UNC13C: variants seen among roughly 807,000 people sequenced by gnomAD.
The protein encoded by UNC13C is unc-13 homolog C, also known as protein unc-13 homolog C.
UNC13C carries 174 observed loss-of-function variants against 245.4 expected under a neutral mutation model. The observed-to-expected ratio is 0.71, with a 90% CI of 0.63 to 0.80. UNC13C has a LOEUF of 0.80. Among genes scored for constraint, UNC13C ranks in the 30% least tolerant of loss-of-function variants. UNC13C has a pLI of 0.00. For missense variants in UNC13C, 2,829 were observed against 2,602.9 expected (o/e 1.09, Z -1.89); for synonymous variants, 992 against 895.1 (o/e 1.11, Z -1.93).
Position 54,272,048 on chromosome 15 carries a change from T to C in UNC13C, c.3818+6552T>C, listed in dbSNP as rs79165362. 2.6e-3 allele frequency among the ~76,000 whole-genome samples: 398 copies of C among 152,318 alleles called. 1 individual carries two copies. The highest frequency in any genetic ancestry group is 9.2e-3 in the African/African-American group (383 of 41,572). On this transcript the variant is annotated intron_variant, in intron 10 of 32. Coordinates refer to ENST00000260323, the MANE Select transcript of UNC13C (RefSeq NM_001080534.3). ...ATTATAAACCTGAATACCAGTACTA[T>C]TCTGGGTCTAACATGTTTCTGGACC...
intron 2 of UNC13C, among the ~76,000 whole-genome samples, chr15:54,132,966 A>T (rs2031519591): frequency 6.6e-6 from 1 of 152,324 alleles, no homozygotes; most frequent in East Asian, 1.9e-4. Flanking sequence ...GAGGTAAAAC[A>T]TTGAGGGAGA....
At chr15:54,526,797 C>T (rs571585508) in intron 25 of UNC13C, among the ~76,000 whole-genome samples, 34 of 151,030 alleles carry the variant, frequency 2.3e-4, no homozygotes, top group African/African-American at 8.3e-4. Flanking sequence ...CTATCTCTGG[C>T]CACCACTCAT....
At chr15:53,844,814 G>C in the UNC13C span, among the ~76,000 whole-genome samples, 222 of 152,186 alleles carry the variant, frequency 1.5e-3, no homozygotes, top group Middle Eastern at 6.8e-3. Flanking sequence ...CATGTTAAGG[G>C]GACTAGTGAC....
At chr15:54,245,851 A>T (rs1225645624) in intron 7 of UNC13C, among the ~76,000 whole-genome samples, 1 of 152,106 alleles carries the variant, frequency 6.6e-6, no homozygotes. Flanking sequence ...TTGGGGGTAT[A>T]GGAAAGGTGT....
intron 4 of UNC13C, among the ~76,000 whole-genome samples, chr15:54,229,007 G>A (rs1378856833): frequency 1.3e-5 from 2 of 152,196 alleles, no homozygotes; most frequent in Non-Finnish European, 2.9e-5. Flanking sequence ...AGGCTTGTCA[G>A]AACTCAGGAT....
chr15:54,598,628 C>CATGCAGCCTGTGGCTTGAGGGT (rs1161544075), intron 30 of UNC13C, among the ~76,000 whole-genome samples: 1 of 152,160 alleles, frequency 6.6e-6, no homozygotes, highest in Non-Finnish European at 1.5e-5. Context: ...AGTTCAAGCA[C>CATGCAGCCTGTGGCTTGAGGGT]TGTAAAGTTT....
intron 24 of UNC13C, among the ~76,000 whole-genome samples, chr15:54,514,223 C>T (rs1015429177): frequency 5.9e-5 from 9 of 151,992 alleles, no homozygotes; most frequent in African/African-American, 2.2e-4. Flanking sequence ...TAGAATTCAC[C>T]CTTTGATATG....
chr15:54,370,028 GTGTT>G (rs1567220809), intron 17 of UNC13C, among the ~76,000 whole-genome samples: 1 of 152,112 alleles, frequency 6.6e-6, no homozygotes, highest in Admixed American at 6.5e-5. Context: ...GTACTTAACA[GTGTT>G]TGTTGAGTTT....
At chr15:53,844,911 A>G in the UNC13C span, among the ~76,000 whole-genome samples, 1 of 152,130 alleles carries the variant, frequency 6.6e-6, no homozygotes, top group Non-Finnish European at 1.5e-5. Context: ...GTTGTCTTTG[A>G]CTTTCTCAAG....
At chr15:54,555,710 T>C (rs930753844) in intron 29 of UNC13C, among the ~76,000 whole-genome samples, 198 bp downstream of exon 29, 16 of 152,066 alleles carry the variant, frequency 1.1e-4, no homozygotes, top group African/African-American at 3.6e-4. Flanking sequence ...AATACATTCC[T>C]GGAGGATGCC....
chr15:54,136,743 T>C (rs2031754984), intron 2 of UNC13C, among the ~76,000 whole-genome samples: 1 of 152,108 alleles, frequency 6.6e-6, no homozygotes. Context: ...TTGCTAAGAG[T>C]TTTTATCATG....
At chr15:54,210,995 G>C (rs1596012025) in intron 4 of UNC13C, among the ~76,000 whole-genome samples, 1 of 152,210 alleles carries the variant, frequency 6.6e-6, no homozygotes, top group South Asian at 2.1e-4. Context: ...AAGGCAGTCA[G>C]AGCCTCTACT....
Position 54,047,744 on chromosome 15 carries a change from T to C in UNC13C, c.2983+31858T>C, listed in dbSNP as rs149603261. Among the ~76,000 whole-genome samples the C allele has an allele frequency of 3.7e-3, 567 of 152,246 alleles. 6 individuals are homozygous for C. The highest frequency in any genetic ancestry group is 0.013 in the African/African-American group (555 of 41,572). On this transcript the variant is annotated intron_variant, in intron 2 of 32. Transcript: ENST00000260323. Reference sequence around the variant, plus strand: ...TCTGCTTTTTAAACATTTGCGCAAATCCATCCTCAAGTATTTTTGTTCTAT... The same window carrying C: ...TCTGCTTTTTAAACATTTGCGCAAACCCATCCTCAAGTATTTTTGTTCTAT...
At chr15:54,414,681 G>A (rs2040482937) in intron 18 of UNC13C, among the ~76,000 whole-genome samples, 1 of 151,872 alleles carries the variant, frequency 6.6e-6, no homozygotes, top group Non-Finnish European at 1.5e-5. Context: ...TTCGATAAAA[G>A]TGAAGGAGCT....
At chr15:54,297,158 C>A (rs1417661343) in intron 11 of UNC13C, among the ~76,000 whole-genome samples, 1 of 152,058 alleles carries the variant, frequency 6.6e-6, no homozygotes, top group Non-Finnish European at 1.5e-5. Flanking sequence ...ATTTATACAC[C>A]GTTTTTCTTG....
At chr15:54,061,816 G>A (rs1897849936) in intron 2 of UNC13C, among the ~76,000 whole-genome samples, 1 of 152,082 alleles carries the variant, frequency 6.6e-6, no homozygotes, top group South Asian at 2.1e-4. Context: ...AGAAGGAAAA[G>A]GGAGAAGATT....
Position 54,293,926 on chromosome 15 carries a change from G to A in UNC13C, c.3850G>A (p.Val1284Ile). ...ECHNSTDRIK[V>I]RVWDEDDDIK... ...TCATAACTCCACAGATCGAATCAAA[G>A]TCAGAGTATGGGATGAAGATGATGA... Residue 1284 changes from valine (V) to isoleucine (I), a missense_variant, in exon 11 of 33, where the codon GTC becomes ATC. Physicochemically the swap from Val to Ile is conservative, Grantham distance 29. Coordinates refer to ENST00000260323, the MANE Select transcript of UNC13C (RefSeq NM_001080534.3). 2 of 1,584,490 alleles carry A rather than the reference G, an allele frequency of 1.3e-6. No individual in the cohort carries two copies. Among genetic ancestry groups the A allele is most frequent in the Non-Finnish European group, 1.7e-6 (2 of 1,168,712 alleles).
intron 19 of UNC13C, among the ~76,000 whole-genome samples, chr15:54,445,545 A>C (rs900476059): frequency 1.3e-5 from 2 of 152,336 alleles, no homozygotes; most frequent in African/African-American, 4.8e-5. Context: ...TCTGATGGCC[A>C]GTGATGATGA....
intron 2 of UNC13C, chr15:54,049,247 C>T (rs1897171434): frequency 1.9e-6 from 1 of 514,730 alleles, no homozygotes; most frequent in South Asian, 1.6e-5. Flanking sequence ...CTCAGAGACA[C>T]AGTCTGTGCA....
Sources: gnomAD v4.1 joint callset for allele counts (sites outside exome capture counted in the v4.1 genomes callset) on GRCh38, gnomAD v4.1.1 for gene constraint, MANE v1.5 for transcripts, NCBI Gene and HGNC (gene_info 2026-07-23, HGNC 2026-07-21) for gene names.